Variants in LRIG2 observed in about 807,000 individuals in gnomAD.
The protein encoded by LRIG2 is leucine rich repeats and immunoglobulin like domains 2.
Under a neutral mutation model 107.8 loss-of-function variants are expected in LRIG2, and 93 were observed. The ratio of observed to expected loss-of-function variants is 0.86; its 90% CI spans 0.73 to 1.03. LRIG2 has a LOEUF of 1.03. Among genes scored for constraint, LRIG2 ranks in the 50% least tolerant of loss-of-function variants. LRIG2 has a pLI of 0.00. For missense variants in LRIG2, 1,226 were observed against 1,296.0 expected (o/e 0.95, Z 0.83); for synonymous variants, 471 against 470.6 (o/e 1.00, Z -0.01).
chr1:113,077,550 A>G lies in LRIG2; in HGVS notation c.239+3905A>G, dbSNP rs545164365. 2.2e-4 allele frequency among the ~76,000 whole-genome samples: 34 copies of G among 152,028 alleles called. No homozygotes were observed. The South Asian group carries it at 3.3e-3, about 15-fold the overall frequency. On this transcript the variant is annotated intron_variant, in intron 1 of 17. Transcript: ENST00000361127. ...TACCTATAGTTTTTTAGTTCTTTCT[A>G]TTTTCATTATAATTGTTTAAAATTT...
intron 1 of LRIG2, among the ~76,000 whole-genome samples, chr1:113,082,475 G>A (rs370806488): frequency 2.0e-5 from 3 of 152,226 alleles, no homozygotes; most frequent in African/African-American, 7.2e-5. Flanking sequence ...TCTGTAGGCT[G>A]TACAGGAAGT....
intron 16 of LRIG2, 85 bp from the exon 17 acceptor site, chr1:113,119,148 G>C: frequency 7.7e-7 from 1 of 1,297,016 alleles, no homozygotes; most frequent in Admixed American, 2.0e-5. Context: ...TAGCAATGAT[G>C]ATGACAACTT....
chr1:113,110,184 G>A (rs1654708481), intron 12 of LRIG2, 58 bp from the exon 13 acceptor site: 1 of 1,246,536 alleles, frequency 8.0e-7, no homozygotes, highest in African/African-American at 1.5e-5. Context: ...TTTTAAAATT[G>A]AATCTAAAGC....
chr1:113,085,711 C>G (rs1653517874), intron 1 of LRIG2, among the ~76,000 whole-genome samples: 1 of 152,150 alleles, frequency 6.6e-6, no homozygotes, highest in Non-Finnish European at 1.5e-5. Flanking sequence ...ACTCCTAATT[C>G]AGATAGTTCT....
chr1:113,110,449 C>T lies in LRIG2; in HGVS notation c.1685C>T (p.Thr562Ile). ...CAAGCTGGAGAAGCTCTGGAATATA[C>T]TAGTATCTTACATCTTTTCAATGTG... is the stretch of plus-strand genomic sequence containing the variant. ...WQQAGEALEY[T>I]SILHLFNVNF... Residue 562 changes from threonine (T) to isoleucine (I), a missense_variant, in exon 13 of 18, where the codon ACT (threonine) becomes ATT (isoleucine). Around this residue, in one of 3 missense-constraint regions of LRIG2, gnomAD observed 642 missense variants for 712.2 expected, o/e 0.90. Coordinates refer to ENST00000361127, the MANE Select transcript of LRIG2 (RefSeq NM_014813.3). The T allele has an allele frequency of 4.3e-6, 7 of 1,613,742 alleles. No homozygotes were observed. The highest frequency in any genetic ancestry group is 5.9e-6 in the Non-Finnish European group (7 of 1,179,628).
chr1:113,090,895 A>G (rs777476077), intron 1 of LRIG2, among the ~76,000 whole-genome samples: 1 of 151,154 alleles, frequency 6.6e-6, no homozygotes, highest in Non-Finnish European at 1.5e-5. Flanking sequence ...TCTGTCACCT[A>G]CGCTGGAGTA....
intron 2 of LRIG2, among the ~76,000 whole-genome samples, chr1:113,092,123 A>G (rs1285240061): frequency 2.0e-5 from 3 of 152,222 alleles, no homozygotes; most frequent in Non-Finnish European, 4.4e-5. Context: ...ACAGTTGACA[A>G]GTTTGTTAGC....
intron 11 of LRIG2, among the ~76,000 whole-genome samples, chr1:113,101,418 C>G (rs1654306207): frequency 6.6e-6 from 1 of 152,148 alleles, no homozygotes; most frequent in South Asian, 2.1e-4. Context: ...GGGGTAAGAA[C>G]CACTAGATTA....
intron 12 of LRIG2, among the ~76,000 whole-genome samples, chr1:113,109,602 T>C (rs1357125883): frequency 2.0e-5 from 3 of 152,200 alleles, no homozygotes; most frequent in Admixed American, 1.3e-4. Flanking sequence ...ACTAGCCACC[T>C]CTACCCCCCG....
chr1:113,082,677 G>A (rs1219008175), intron 1 of LRIG2, among the ~76,000 whole-genome samples: 6 of 152,170 alleles, frequency 3.9e-5, no homozygotes, highest in South Asian at 2.1e-4. Flanking sequence ...TATTTGAGAC[G>A]AAGTCTCTCT....
chr1:113,116,164 C>A, intron 15 of LRIG2, 123 bp from the exon 16 acceptor site: 1 of 619,486 alleles, frequency 1.6e-6, no homozygotes, highest in Non-Finnish European at 2.7e-6. Context: ...AGAGCTGTTG[C>A]GGTCCTAGGT....
In LRIG2 at chr1:113,093,461, C is replaced by T. The variant is rs976140713; in HGVS notation, c.412C>T (p.Gln138Ter). 11 of 1,613,636 alleles carry T rather than the reference C, an allele frequency of 6.8e-6. No individual in the cohort carries two copies. The highest frequency in any genetic ancestry group is 7.6e-6 in the Non-Finnish European group (9 of 1,179,650). ...TAATATAATCCCAGAAATAAATGCA[C>T]AGGCACTCCAGTTTTACCCTGCTCT... ...VHNIIPEINA[Q>*]ALQFYPALES... Residue 138 changes from glutamine (Q) to a stop codon, truncating the protein, a stop_gained, in exon 4 of 18, where the codon CAG (glutamine) becomes TAG (stop). Transcript: ENST00000361127. LOFTEE classifies it high-confidence loss of function.
intron 8 of LRIG2, among the ~76,000 whole-genome samples, chr1:113,097,953 C>G (rs1654138533): frequency 6.6e-6 from 1 of 152,140 alleles, no homozygotes; most frequent in Non-Finnish European, 1.5e-5. Flanking sequence ...CTCCTCTTTA[C>G]TGCTAATCAC....
intron 8 of LRIG2, 40 bp from the exon 9 acceptor site, chr1:113,098,665 A>G (rs201465762): frequency 4.9e-5 from 60 of 1,221,956 alleles, no homozygotes; most frequent in Non-Finnish European, 1.9e-5. Context: ...TGATGGTTGT[A>G]TTGACTAATA....
rs541699642 is a variant in LRIG2 at position 113,073,265 on chromosome 1, C to G, written c.-142C>G. On this transcript the variant is annotated 5_prime_UTR_variant, in exon 1 of 18. Transcript: ENST00000361127. The stretch of plus-strand genomic sequence containing the variant: ...CCCCGCTGTCGCGCTGCGTCTGCTC[C>G]TTGCATGCCTTTAGATGGTACAGCC... The G allele has an allele frequency of 2.8e-6, 2 of 717,530 alleles. No individual in the cohort carries two copies. The highest frequency in any genetic ancestry group is 2.5e-5 in the East Asian group (1 of 40,250). The allele number at this position is 717,530 out of a possible 1,614,324, so 44.4% of individuals were successfully genotyped here. A position where few individuals can be genotyped will look rare whatever the true frequency, so the allele number is the denominator to read the frequency against.
At chr1:113,098,873 G>T in intron 9 of LRIG2, 88 bp downstream of exon 9, 1 of 807,632 alleles carries the variant, frequency 1.2e-6, no homozygotes, top group Non-Finnish European at 2.1e-6. Flanking sequence ...TATTTCATAT[G>T]GCTACAAAGT....
intron 11 of LRIG2, among the ~76,000 whole-genome samples, chr1:113,105,781 G>A (rs1002929513): frequency 3.3e-5 from 5 of 152,330 alleles, no homozygotes; most frequent in Middle Eastern, 6.8e-3. Context: ...TGCAATAGCA[G>A]TTTGTTCAAA....
At chr1:113,106,692 A>T (rs1477940157) in intron 11 of LRIG2, among the ~76,000 whole-genome samples, 1 of 151,912 alleles carries the variant, frequency 6.6e-6, no homozygotes, top group Non-Finnish European at 1.5e-5. Flanking sequence ...TTTAGTAGAG[A>T]TAGGGTTTCG....
chr1:113,093,062 T>C (rs1251927912), intron 2 of LRIG2, 144 bp from the exon 3 acceptor site: 5 of 577,862 alleles, frequency 8.7e-6, no homozygotes, highest in Non-Finnish European at 1.5e-5. Context: ...TAAATACATT[T>C]TTATTTTCGT....
Sources: allele counts gnomAD v4.1 joint callset (sites outside exome capture counted in the v4.1 genomes callset), GRCh38; gene constraint gnomAD v4.1.1; regional missense constraint gnomAD v4.1.1; transcripts MANE v1.5; gene names NCBI Gene and HGNC (gene_info 2026-07-23, HGNC 2026-07-21).